The following ADAMTS14 variants were observed in gnomAD, a reference collection of about 807,000 sequenced individuals.
ADAMTS14 encodes A disintegrin and metalloproteinase with thrombospondin motifs 14.
In ADAMTS14, 100 loss-of-function variants were observed where a neutral mutation model predicts 128.6. The observed-to-expected ratio is 0.78, with a 90% confidence interval of 0.66 to 0.92. ADAMTS14 has a LOEUF of 0.92. Ranked by LOEUF, ADAMTS14 falls within the 40% of genes least tolerant of loss-of-function variation. The probability of loss-of-function intolerance (pLI) is 0.00; values close to 1 mark genes in which losing one functional copy is unlikely to be tolerated. For missense variants in ADAMTS14, 1,562 were observed against 1,658.6 expected, an observed-to-expected ratio of 0.94 and a Z score of 1.01; for synonymous variants, 665 against 653.8, an observed-to-expected ratio of 1.02 and a Z score of -0.26.
At chr10:70,737,059 A>T (rs540921841) in intron 10 of ADAMTS14, among the ~76,000 whole-genome samples, 71 of 152,228 alleles carry the variant, frequency 4.7e-4, no homozygotes, top group African/African-American at 1.5e-3. Flanking sequence ...AGCCCATCTG[A>T]CAGGAAGGCT....
At chr10:70,681,888 C>G (rs1036319363) in intron 2 of ADAMTS14, among the ~76,000 whole-genome samples, 1 of 152,206 alleles carries the variant, frequency 6.6e-6, no homozygotes, top group East Asian at 1.9e-4. Flanking sequence ...GTGTGTGGCC[C>G]CACATTGGTG....
intron 4 of ADAMTS14, among the ~76,000 whole-genome samples, chr10:70,712,830 T>C (rs1407143766): frequency 6.6e-6 from 1 of 152,144 alleles, no homozygotes; most frequent in Admixed American, 6.6e-5. Context: ...TCTGATGACT[T>C]GTCCTCCTTA....
intron 3 of ADAMTS14, among the ~76,000 whole-genome samples, chr10:70,703,844 G>A (rs972494046): frequency 1.3e-5 from 2 of 152,218 alleles, no homozygotes; most frequent in Non-Finnish European, 2.9e-5. Context: ...ACCAGGCTCC[G>A]GGGCTGGAAC....
chr10:70,691,858 C>T (rs922370776), intron 2 of ADAMTS14, among the ~76,000 whole-genome samples: 7 of 151,702 alleles, frequency 4.6e-5, no homozygotes, highest in Non-Finnish European at 8.8e-5. Flanking sequence ...ATTGTATGCT[C>T]GTTTCCTCTC....
At chr10:70,690,281 C>A (rs1840147178) in intron 2 of ADAMTS14, among the ~76,000 whole-genome samples, 1 of 144,284 alleles carries the variant, frequency 6.9e-6, no homozygotes, top group African/African-American at 2.5e-5. Context: ...AAATCTGGAA[C>A]CTGTGCTAGT....
chr10:70,752,453 G>GT (rs1554823607), intron 18 of ADAMTS14, among the ~76,000 whole-genome samples: 3 of 125,474 alleles, frequency 2.4e-5, no homozygotes, highest in African/African-American at 1.0e-4. Context: ...CAGCCTGCCA[G>GT]CCCCCAGCCA....
Position 70,690,097 on chromosome 10 carries a change from A to T in ADAMTS14, c.523-12215A>T, listed in dbSNP as rs569162318. Among the ~76,000 whole-genome samples, 61 of 144,878 alleles carry T rather than the reference A, an allele frequency of 4.2e-4. 8 individuals carry two copies. The South Asian group carries it at 0.013, about 32-fold the overall frequency. On this transcript the variant is annotated intron_variant, in intron 2 of 21. Coordinates refer to ENST00000373207, the MANE Select transcript of ADAMTS14 (RefSeq NM_080722.4). ...CTAGATCAGGGGCTTCTCAGTCATC[A>T]TCTGATGAATGAATGAGTGAATATG...
intron 1 of ADAMTS14, 98 bp from the exon 2 acceptor site, chr10:70,674,458 C>A: frequency 7.9e-7 from 1 of 1,265,064 alleles, no homozygotes; most frequent in Non-Finnish European, 1.1e-6. Context: ...AAGGGTGACA[C>A]TGAGAGTTCC....
chr10:70,711,104 G>A (rs1216097099), intron 4 of ADAMTS14, among the ~76,000 whole-genome samples: 2 of 152,214 alleles, frequency 1.3e-5, no homozygotes, highest in Non-Finnish European at 1.5e-5. Context: ...AATTTCTTTC[G>A]TGGGTCAAAT....
intron 1 of ADAMTS14, among the ~76,000 whole-genome samples, chr10:70,674,105 G>A (rs1187010420): frequency 2.6e-5 from 4 of 152,114 alleles, no homozygotes; most frequent in African/African-American, 9.7e-5. Flanking sequence ...TGTTTTGCCA[G>A]CTGCGTTCTT....
At chr10:70,760,127 C>T (rs35970650) in intron 21 of ADAMTS14, among the ~76,000 whole-genome samples, 39,260 of 152,140 alleles carry the variant, frequency 0.26, 5,275 homozygotes, top group Admixed American at 0.29. Flanking sequence ...CGTGTGGGGA[C>T]ATCACTTTGA....
intron 5 of ADAMTS14, 31 bp downstream of exon 5, chr10:70,729,408 C>T (rs185947794): frequency 1.4e-4 from 222 of 1,580,572 alleles, no homozygotes; most frequent in South Asian, 5.0e-4. Flanking sequence ...GCAGGGTTTG[C>T]GGGGAGAAGG....
Position 70,735,473 on chromosome 10 carries a change from G to A in ADAMTS14, c.1485+172G>A, listed in dbSNP as rs192568274. 1.1e-3 allele frequency among the ~76,000 whole-genome samples: 173 copies of A among 152,358 alleles called. 1 individual carries two copies. The highest frequency in any genetic ancestry group is 3.9e-3 in the African/African-American group (164 of 41,584). ...CAGGGATGCAGAGTGAACACCTGTG[G>A]GGGCAGGTGGACACAGTGGCTTGGG... On this transcript the variant is annotated intron_variant, in intron 9 of 21. Coordinates refer to ENST00000373207, the MANE Select transcript of ADAMTS14 (RefSeq NM_080722.4).
rs1422888577 is a variant in ADAMTS14, at chr10:70,674,690, C to A, written c.217C>A (p.Pro73Thr). 1.2e-6 allele frequency: 2 copies of A among 1,613,534 alleles called. No individual in the cohort carries two copies. Among genetic ancestry groups the A allele is most frequent in the Non-Finnish European group, 8.5e-7 (1 of 1,180,028 alleles). Residue 73 changes from proline to threonine, a missense_variant, in exon 2 of 22, where the codon CCA becomes ACA. Pro to Thr is a conservative substitution (Grantham distance 38). Transcript: ENST00000373207. Reference sequence around the variant, plus strand: ...TGCAGGGAGCATGGTAGTGGACACGCCACCCACACTACCACGACACTCCAG... The same window carrying A: ...TGCAGGGAGCATGGTAGTGGACACGACACCCACACTACCACGACACTCCAG... ...ASAGSMVVDT[P>T]PTLPRHSSHL...
At chr10:70,715,480 G>T (rs1841009680) in intron 4 of ADAMTS14, among the ~76,000 whole-genome samples, 1 of 152,090 alleles carries the variant, frequency 6.6e-6, no homozygotes, top group Non-Finnish European at 1.5e-5. Flanking sequence ...CCTGGTCTGA[G>T]CCCCTGATAA....
In ADAMTS14 at chr10:70,743,642, C is replaced by T. The variant is rs35133604; in HGVS notation, c.2019C>T (p.Tyr673=). 2.0e-4 allele frequency: 321 copies of T among 1,610,728 alleles called. 1 individual carries two copies. The African/African-American group carries it at 4.0e-3, about 20-fold the overall frequency. ...QVVHDGTRCS[Y]RDPYSVCARG... ...TTCACGATGGGACACGCTGCAGCTA[C>T]CGGGACCCATACAGCGTCTGTGCGC... Residue 673 remains tyrosine, a synonymous_variant, in exon 13 of 22, where the codon TAC becomes TAT. Transcript: ENST00000373207.
intron 2 of ADAMTS14, among the ~76,000 whole-genome samples, chr10:70,688,641 G>A (rs1212896347): frequency 4.5e-5 from 5 of 110,466 alleles, no homozygotes; most frequent in East Asian, 2.3e-4. Flanking sequence ...CGAGGTTGGC[G>A]GATCACTCGC....
At chr10:70,730,045 C>A in intron 5 of ADAMTS14, 57 bp from the exon 6 acceptor site, 1 of 1,520,206 alleles carries the variant, frequency 6.6e-7, no homozygotes, top group Non-Finnish European at 8.8e-7. Context: ...GAGAGGCCTG[C>A]TGTTTCTAGG....
At position 70,732,346 on chromosome 10, in the gene ADAMTS14, G is replaced by GAAGACCACGA; in HGVS notation, c.1196_1197insAGACCACGAA (p.Thr400AspfsTer13). 1 of 1,614,024 alleles carries GAAGACCACGA rather than the reference G, an allele frequency of 6.2e-7. No homozygotes were observed. The highest frequency in any genetic ancestry group is 2.2e-5 in the East Asian group (1 of 44,882). On this transcript the variant is annotated frameshift_variant, in exon 7 of 22. Transcript: ENST00000373207. LOFTEE classifies it high-confidence loss of function. The stretch of plus-strand genomic sequence containing the variant: ...CTCCTCAGCCTTCGTGATAGCTCAT[G>GAAGACCACGA]AGACCGGCCACGTGTAAGTGGCAGC...
Sources: allele counts gnomAD v4.1 joint callset (sites outside exome capture counted in the v4.1 genomes callset), GRCh38; gene constraint gnomAD v4.1.1; transcripts MANE v1.5; gene names NCBI Gene and HGNC (gene_info 2026-07-23, HGNC 2026-07-21).